KCND2: variants seen among roughly 807,000 people sequenced by gnomAD.
The protein encoded by KCND2 is potassium voltage-gated channel subfamily D member 2.
A neutral mutation model predicts 54.4 loss-of-function variants in KCND2; 16 were observed. The ratio of observed to expected loss-of-function variants is 0.29; its 90% confidence interval spans 0.20 to 0.45. The LOEUF is 0.45. Among genes scored for constraint, KCND2 ranks in the 20% least tolerant of loss-of-function variants. KCND2 has a pLI of 1.00. For missense variants in KCND2, 486 were observed against 824.2 expected (o/e 0.59, Z 5.02); for synonymous variants, 317 against 310.7 (o/e 1.02, Z -0.21).
intron 5 of KCND2, 134 bp downstream of exon 5, chr7:120,746,161 G>GT (rs1793003714): frequency 1.0e-6 from 1 of 978,770 alleles, no homozygotes; most frequent in Non-Finnish European, 1.6e-6. Context: ...AAATGGTAGC[G>GT]TAACAAGTAG....
At chr7:120,576,997 AT>A (rs1792443059) in intron 1 of KCND2, among the ~76,000 whole-genome samples, 2 of 151,988 alleles carry the variant, frequency 1.3e-5, no homozygotes, top group South Asian at 4.2e-4. Context: ...AATACAAAAA[AT>A]TTGCTAGGTG....
chr7:120,383,322 C>T (rs997481372), intron 1 of KCND2, among the ~76,000 whole-genome samples: 2 of 151,940 alleles, frequency 1.3e-5, no homozygotes, highest in Admixed American at 6.6e-5. Context: ...CCCGCATTTA[C>T]TCTAAATTGT....
At chr7:120,536,410 A>G (rs146438942) in intron 1 of KCND2, among the ~76,000 whole-genome samples, 23 of 152,304 alleles carry the variant, frequency 1.5e-4, no homozygotes, top group African/African-American at 5.5e-4. Context: ...TAACGCAGCA[A>G]TGAAATTTTT....
At chr7:120,282,334 A>C (rs551499272) in intron 1 of KCND2, among the ~76,000 whole-genome samples, 1 of 152,270 alleles carries the variant, frequency 6.6e-6, no homozygotes, top group South Asian at 2.1e-4. Context: ...GAATTTTTTA[A>C]AATAGGGAAA....
At position 120,632,197 on chromosome 7, in the gene KCND2, A is replaced by T. The variant is rs540478950; in HGVS notation, c.1116-100706A>T. 9.8e-5 allele frequency among the ~76,000 whole-genome samples: 15 copies of T among 152,350 alleles called. No individual in the cohort carries two copies. The South Asian group carries it at 3.1e-3, about 32-fold the overall frequency. On this transcript the variant is annotated intron_variant, in intron 1 of 5. Coordinates refer to ENST00000331113, the MANE Select transcript of KCND2 (RefSeq NM_012281.3). ...AAGTCTTTTAATTTTCTATTTAAAA[A>T]AAGATGGTACAGAATATCTCATAAT...
At chr7:120,368,041 A>G (rs1418176030) in intron 1 of KCND2, among the ~76,000 whole-genome samples, 4 of 152,104 alleles carry the variant, frequency 2.6e-5, no homozygotes, top group African/African-American at 9.7e-5. Flanking sequence ...AAATGCCTGG[A>G]CACACTGCTC....
At chr7:120,310,139 G>A (rs1799715860) in intron 1 of KCND2, among the ~76,000 whole-genome samples, 2 of 152,138 alleles carry the variant, frequency 1.3e-5, no homozygotes, top group South Asian at 4.1e-4. Flanking sequence ...TGAGAGAGGG[G>A]ATGGGACGGA....
chr7:120,394,591 C>G lies in KCND2; in HGVS notation c.1115+118844C>G, dbSNP rs531086572. Among the ~76,000 whole-genome samples the G allele has an allele frequency of 1.2e-3, 185 of 152,034 alleles. 4 individuals carry two copies. The South Asian group carries it at 0.028, about 23-fold the overall frequency. ...GTGGCCTTTCATTAGTTTTACAAAG[C>G]AGTTTCAGCTCCAGAACAAGGAGGA... On this transcript the variant is annotated intron_variant, in intron 1 of 5. Transcript: ENST00000331113.
chr7:120,301,399 A>C (rs1203618585), intron 1 of KCND2, among the ~76,000 whole-genome samples: 3 of 152,166 alleles, frequency 2.0e-5, no homozygotes, highest in African/African-American at 7.2e-5. Context: ...AGAATTTGTT[A>C]TCAGGTAAAT....
chr7:120,659,555 A>G (rs2116557582), intron 1 of KCND2, among the ~76,000 whole-genome samples: 1 of 152,326 alleles, frequency 6.6e-6, no homozygotes, highest in African/African-American at 2.4e-5. Flanking sequence ...ATACATTTAC[A>G]TTGCAATTGT....
chr7:120,321,628 G>A (rs766428343), intron 1 of KCND2, among the ~76,000 whole-genome samples: 49 of 152,128 alleles, frequency 3.2e-4, no homozygotes, highest in Non-Finnish European at 6.0e-4. Context: ...GATTACAAAG[G>A]TGAAAGTACA....
chr7:120,690,969 T>A (rs1260644858), intron 1 of KCND2, among the ~76,000 whole-genome samples: 1 of 152,034 alleles, frequency 6.6e-6, no homozygotes, highest in Admixed American at 6.5e-5. Flanking sequence ...AGTAGTGTGG[T>A]CAGAAAAGTC....
intron 1 of KCND2, among the ~76,000 whole-genome samples, chr7:120,314,153 A>G (rs1253410185): frequency 6.6e-6 from 1 of 152,012 alleles, no homozygotes; most frequent in African/African-American, 2.4e-5. Context: ...CAACAAATAC[A>G]GGAGGAAAGA....
At chr7:120,412,182 C>G (rs765948526) in intron 1 of KCND2, among the ~76,000 whole-genome samples, 3 of 151,988 alleles carry the variant, frequency 2.0e-5, no homozygotes, top group Non-Finnish European at 4.4e-5. Context: ...AACTTTATAA[C>G]TGAGTCACTG....
At position 120,274,975 on chromosome 7, in the gene KCND2, T is replaced by TA; in HGVS notation, c.344dup (p.Tyr115Ter). The change falls in exon 1 of 6, where the codon TAC becomes TAAC. Residue 115 changes from tyrosine (Y) to a stop codon, truncating the protein, a stop_gained and frameshift_variant. Transcript: ENST00000331113. LOFTEE classifies it high-confidence loss of function. ...TCCTCGCCACGAGTGCATCTCTGCT[T>TA]ACGATGAAGAACTGGCCTTCTTTGG... ...HYPRHECISA[Y>*]DEELAFFGLI... is the part of the protein sequence containing the mutation. 1 of 1,614,102 alleles carries TA rather than the reference T, an allele frequency of 6.2e-7. No individual in the cohort carries two copies. The highest frequency in any genetic ancestry group is 8.5e-7 in the Non-Finnish European group (1 of 1,180,028).
intron 1 of KCND2, among the ~76,000 whole-genome samples, chr7:120,367,617 C>T (rs536878253): frequency 8.8e-5 from 13 of 147,648 alleles, no homozygotes; most frequent in African/African-American, 2.7e-4. Context: ...ACAAGAACTT[C>T]TATGGTTAAC....
At chr7:120,734,467 C>T (rs545960192) in intron 2 of KCND2, among the ~76,000 whole-genome samples, 6 of 152,066 alleles carry the variant, frequency 3.9e-5, no homozygotes, top group Non-Finnish European at 8.8e-5. Context: ...AAGTCACATA[C>T]CTGTTAAGTT....
At chr7:120,542,909 G>A (rs1356239258) in intron 1 of KCND2, among the ~76,000 whole-genome samples, 4 of 152,040 alleles carry the variant, frequency 2.6e-5, no homozygotes, top group African/African-American at 9.7e-5. Flanking sequence ...AGCGAGGTAA[G>A]GATTATTCTT....
intron 1 of KCND2, among the ~76,000 whole-genome samples, chr7:120,377,134 CGTATCTT>C (rs1800844159): frequency 6.6e-6 from 1 of 151,844 alleles, no homozygotes; most frequent in South Asian, 2.1e-4. Flanking sequence ...AGATAGATCA[CGTATCTT>C]GTATAAAAGT....
Sources: gnomAD v4.1 joint callset for allele counts (sites outside exome capture counted in the v4.1 genomes callset) on GRCh38, gnomAD v4.1.1 for gene constraint, MANE v1.5 for transcripts, NCBI Gene and HGNC (gene_info 2026-07-23, HGNC 2026-07-21) for gene names.